ARHGAP44: variants seen among roughly 807,000 people sequenced by gnomAD.
ARHGAP44 encodes rho GTPase-activating protein 44.
Under a neutral mutation model 106.8 loss-of-function variants are expected in ARHGAP44, and 43 were observed. The ratio of observed to expected loss-of-function variants is 0.40; its 90% confidence interval spans 0.32 to 0.52. ARHGAP44 has a LOEUF of 0.52. ARHGAP44 is among the 20% of genes least tolerant of loss of function. The pLI is 0.48. For synonymous variants in ARHGAP44, 439 were observed against 410.3 expected (o/e 1.07, Z -0.85); for missense variants, 866 against 1,050.5 (o/e 0.82, Z 2.43).
chr17:12,975,192 G>T (rs1318473117), intron 18 of ARHGAP44, among the ~76,000 whole-genome samples: 1 of 152,184 alleles, frequency 6.6e-6, no homozygotes, highest in Non-Finnish European at 1.5e-5. Flanking sequence ...TTGGACCACA[G>T]TTGACCACAG....
In ARHGAP44 at chr17:12,828,634, T is replaced by TTA. The variant is rs1567635262; in HGVS notation, c.53+38744_53+38745insAT. Reference sequence around the variant, plus strand: ...TATTTTCTTTTGGATTTTTTTTTCTTTCTTTTTTTTTTTTTTTTTTTTTTA... The same window carrying TTA: ...TATTTTCTTTTGGATTTTTTTTTCTTTATCTTTTTTTTTTTTTTTTTTTTTTA... On this transcript the variant is annotated intron_variant, in intron 1 of 20. Coordinates refer to ENST00000379672, the MANE Select transcript of ARHGAP44 (RefSeq NM_014859.6). Among the ~76,000 whole-genome samples, 10 of 135,910 alleles carry TTA rather than the reference T, an allele frequency of 7.4e-5. No homozygotes were observed. The South Asian group carries it at 2.1e-3, about 28-fold the overall frequency. The allele number at this position is 135,910 out of a possible 152,430, so 89.2% of individuals were successfully genotyped here.
At chr17:12,891,450 G>A (rs1022436435) in intron 1 of ARHGAP44, among the ~76,000 whole-genome samples, 2 of 152,176 alleles carry the variant, frequency 1.3e-5, no homozygotes, top group African/African-American at 4.8e-5. Flanking sequence ...CACATGGGCA[G>A]GAGAGAGCAA....
chr17:12,953,313 T>G (rs1227519992), intron 13 of ARHGAP44, among the ~76,000 whole-genome samples: 2 of 152,206 alleles, frequency 1.3e-5, no homozygotes, highest in African/African-American at 4.8e-5. Context: ...CTTCACACTC[T>G]GCTTCTTTAC....
intron 1 of ARHGAP44, among the ~76,000 whole-genome samples, chr17:12,884,934 T>C (rs922335040): frequency 6.6e-6 from 1 of 152,194 alleles, no homozygotes; most frequent in Non-Finnish European, 1.5e-5. Context: ...GGAGTCTCGC[T>C]GTGTCACCCA....
chr17:12,986,705 A>AAAAAAAAAAAC (rs2039968188), intron 20 of ARHGAP44: 1 of 119,272 alleles, frequency 8.4e-6, no homozygotes, highest in Non-Finnish European at 1.9e-5. Flanking sequence ...AAAAAAAAGA[A>AAAAAAAAAAAC]TGAGCAGAAG....
chr17:12,845,573 G>A (rs976839957), intron 1 of ARHGAP44, among the ~76,000 whole-genome samples: 32 of 151,648 alleles, frequency 2.1e-4, no homozygotes, highest in Non-Finnish European at 4.3e-4. Context: ...TAAAGACAAG[G>A]ACCTTATCTG....
chr17:12,793,501 A>G (rs1300875064), intron 1 of ARHGAP44, among the ~76,000 whole-genome samples: 1 of 152,202 alleles, frequency 6.6e-6, no homozygotes, highest in Non-Finnish European at 1.5e-5. Context: ...TGAGGTCAGG[A>G]GTTCGAGACC....
At chr17:12,934,659 T>C (rs977387090) in intron 7 of ARHGAP44, among the ~76,000 whole-genome samples, 13 of 150,606 alleles carry the variant, frequency 8.6e-5, no homozygotes, top group African/African-American at 3.2e-4. Flanking sequence ...TAGGAATAAA[T>C]AGGAGGAGCA....
chr17:12,953,020 A>G (rs2039035714), intron 13 of ARHGAP44, among the ~76,000 whole-genome samples: 2 of 152,160 alleles, frequency 1.3e-5, no homozygotes, highest in Non-Finnish European at 2.9e-5. Context: ...CAGTTAAAGG[A>G]GCAAAGATGA....
At chr17:12,959,391 A>G (rs1231699585) in intron 16 of ARHGAP44, among the ~76,000 whole-genome samples, 2 of 152,232 alleles carry the variant, frequency 1.3e-5, no homozygotes, top group African/African-American at 2.4e-5. Context: ...CTAGGTTTTT[A>G]AGATGTTTTC....
At chr17:12,851,686 C>T (rs532097963) in intron 1 of ARHGAP44, among the ~76,000 whole-genome samples, 89 of 152,198 alleles carry the variant, frequency 5.8e-4, no homozygotes, top group African/African-American at 1.9e-3. Context: ...CCACCTGCCT[C>T]GGCCTCCCAA....
At chr17:12,803,221 C>T (rs2034174635) in intron 1 of ARHGAP44, among the ~76,000 whole-genome samples, 1 of 151,892 alleles carries the variant, frequency 6.6e-6, no homozygotes, top group Middle Eastern at 3.4e-3. Context: ...ATCCACCCGC[C>T]TCGGCCTCCC....
intron 18 of ARHGAP44, among the ~76,000 whole-genome samples, chr17:12,979,249 T>C (rs1041315506): frequency 6.6e-6 from 1 of 152,180 alleles, no homozygotes; most frequent in African/African-American, 2.4e-5. Flanking sequence ...GACAAATCCC[T>C]GGTTTGTGGT....
chr17:12,841,427 C>T (rs564078795), intron 1 of ARHGAP44, among the ~76,000 whole-genome samples: 2 of 151,884 alleles, frequency 1.3e-5, no homozygotes, highest in East Asian at 3.9e-4. Flanking sequence ...AGTAAAACCC[C>T]ATCTCTACAA....
intron 1 of ARHGAP44, among the ~76,000 whole-genome samples, chr17:12,869,218 G>C (rs2036332781): frequency 6.6e-6 from 1 of 152,070 alleles, no homozygotes; most frequent in African/African-American, 2.4e-5. Context: ...AGATATTTTG[G>C]AACGAGCAAG....
intron 1 of ARHGAP44, among the ~76,000 whole-genome samples, chr17:12,866,151 A>G (rs2036233737): frequency 1.3e-5 from 2 of 152,080 alleles, no homozygotes; most frequent in Admixed American, 1.3e-4. Flanking sequence ...GGATAGGAGG[A>G]CAGAATTATC....
chr17:12,857,396 G>A (rs1240353066), intron 1 of ARHGAP44, among the ~76,000 whole-genome samples: 1 of 152,164 alleles, frequency 6.6e-6, no homozygotes, highest in East Asian at 1.9e-4. Context: ...TTCATGCTGT[G>A]TCATAACATG....
At chr17:12,797,615 C>G (rs1019821103) in intron 1 of ARHGAP44, among the ~76,000 whole-genome samples, 1 of 152,118 alleles carries the variant, frequency 6.6e-6, no homozygotes, top group Non-Finnish European at 1.5e-5. Flanking sequence ...CCGGGCCATT[C>G]CTGGGTCTTT....
In ARHGAP44 at chr17:12,791,457, C is replaced by T. The variant is rs549286427; in HGVS notation, c.53+1566C>T. 3.9e-5 allele frequency among the ~76,000 whole-genome samples: 6 copies of T among 152,326 alleles called. 1 individual carries two copies. In the East Asian group the frequency reaches 1.2e-3, roughly 29 times the overall value. On this transcript the variant is annotated intron_variant, in intron 1 of 20. Transcript: ENST00000379672. Reference sequence around the variant, plus strand: ...GCATTGGCCATCACCTCAGACCAGCCAAGTGACCAGGAGGCCCCTGACACT... The same window carrying T: ...GCATTGGCCATCACCTCAGACCAGCTAAGTGACCAGGAGGCCCCTGACACT...
Sources: allele counts gnomAD v4.1 joint callset (sites outside exome capture counted in the v4.1 genomes callset), GRCh38; gene constraint gnomAD v4.1.1; transcripts MANE v1.5; gene names NCBI Gene and HGNC (gene_info 2026-07-23, HGNC 2026-07-21).